Variants in ASTN2 observed in about 807,000 individuals in gnomAD.
The protein encoded by ASTN2 is astrotactin-2.
Under a neutral mutation model 139.8 loss-of-function variants are expected in ASTN2, and 54 were observed. That is an observed-to-expected ratio of 0.39 (90% CI 0.31 to 0.48). The LOEUF is 0.48. ASTN2 is among the 20% of genes least tolerant of loss of function. The pLI, the probability that ASTN2 is intolerant of heterozygous loss-of-function variation, is 0.95. For missense variants in ASTN2, 1,565 were observed against 1,725.1 expected, an observed-to-expected ratio of 0.91 and a Z score of 1.64; for synonymous variants, 756 against 719.5, an observed-to-expected ratio of 1.05 and a Z score of -0.81.
At chr9:117,314,429 ACCC>A (rs1162271984) in intron 1 of ASTN2, among the ~76,000 whole-genome samples, 1 of 150,308 alleles carries the variant, frequency 6.7e-6, no homozygotes, top group Admixed American at 6.7e-5. Flanking sequence ...AATATAGCCC[ACCC>A]CCCCAATTTA....
At chr9:116,508,485 A>AGTGTGTGT (rs112019921) in intron 19 of ASTN2, among the ~76,000 whole-genome samples, 1 of 150,092 alleles carries the variant, frequency 6.7e-6, no homozygotes, top group African/African-American at 2.4e-5. Flanking sequence ...TGTGAGTGTG[A>AGTGTGTGT]GTGTGTGTGT....
rs138034631 is a variant in ASTN2 at position 117,160,446 on chromosome 9, A to C, written c.1016-18968T>G. Among the ~76,000 whole-genome samples, 14 of 48,050 alleles carry C rather than the reference A, an allele frequency of 2.9e-4. No homozygotes were observed. In the East Asian group the frequency reaches 4.0e-3, roughly 14 times the overall value. 31.5% of individuals were successfully genotyped at this position (48,050 alleles called of 152,430 possible). Reference sequence around the variant, plus strand: ...CACTGGAGGGTAATCACAATAACACAGGACCCATCTCCCTAAAAAGGCCAC... The same window carrying C: ...CACTGGAGGGTAATCACAATAACACCGGACCCATCTCCCTAAAAAGGCCAC... On this transcript the variant is annotated intron_variant, in intron 3 of 22. Coordinates refer to ENST00000313400, the MANE Select transcript of ASTN2 (RefSeq NM_001365068.1).
At chr9:116,767,969 T>A (rs1385714544) in intron 13 of ASTN2, among the ~76,000 whole-genome samples, 1 of 152,150 alleles carries the variant, frequency 6.6e-6, no homozygotes, top group Non-Finnish European at 1.5e-5. Context: ...AAGACAAATG[T>A]TACTAAACAC....
At chr9:117,062,152 A>T (rs1839312687) in intron 5 of ASTN2, among the ~76,000 whole-genome samples, 1 of 152,206 alleles carries the variant, frequency 6.6e-6, no homozygotes, top group Non-Finnish European at 1.5e-5. Flanking sequence ...CAACTCCAGC[A>T]GGATTGGCCC....
At chr9:116,738,447 G>A (rs1390645966) in intron 13 of ASTN2, among the ~76,000 whole-genome samples, 1 of 151,944 alleles carries the variant, frequency 6.6e-6, no homozygotes, top group East Asian at 1.9e-4. Context: ...GTTGCAGTGA[G>A]CTGAGATTGC....
intron 20 of ASTN2, among the ~76,000 whole-genome samples, chr9:116,443,485 G>C: frequency 6.6e-6 from 1 of 152,150 alleles, no homozygotes. Context: ...GACACAGCCT[G>C]TGTGGCCTTA....
At chr9:117,019,823 C>G (rs1837820941) in intron 6 of ASTN2, among the ~76,000 whole-genome samples, 2 of 152,120 alleles carry the variant, frequency 1.3e-5, no homozygotes, top group Non-Finnish European at 2.9e-5. Flanking sequence ...ATGATTCACT[C>G]TGTGAACCTT....
At chr9:116,852,394 C>G (rs559985644) in intron 11 of ASTN2, among the ~76,000 whole-genome samples, 3 of 152,314 alleles carry the variant, frequency 2.0e-5, no homozygotes, top group Non-Finnish European at 4.4e-5. Context: ...GAATCCAACT[C>G]TGAATTATGG....
intron 3 of ASTN2, among the ~76,000 whole-genome samples, chr9:117,146,035 G>C (rs1480038225): frequency 6.6e-6 from 1 of 152,130 alleles, no homozygotes; most frequent in African/African-American, 2.4e-5. Context: ...TCTTGCCTCA[G>C]TGACAGTGCC....
At chr9:117,243,272 T>A (rs1216976938) in intron 2 of ASTN2, among the ~76,000 whole-genome samples, 1 of 152,166 alleles carries the variant, frequency 6.6e-6, no homozygotes, top group Non-Finnish European at 1.5e-5. Flanking sequence ...CTTTGTTGTG[T>A]CTCAGAAAGT....
At chr9:116,594,807 C>G (rs1426733888) in intron 19 of ASTN2, among the ~76,000 whole-genome samples, 1 of 152,168 alleles carries the variant, frequency 6.6e-6, no homozygotes, top group Non-Finnish European at 1.5e-5. Context: ...TGACCTGGCT[C>G]AGAGCTTAAG....
At chr9:116,529,578 T>G (rs1414591618) in intron 19 of ASTN2, among the ~76,000 whole-genome samples, 1 of 152,002 alleles carries the variant, frequency 6.6e-6, no homozygotes, top group Non-Finnish European at 1.5e-5. Flanking sequence ...GACATGAGAT[T>G]TGGGAGGGGC....
chr9:116,492,543 A>G (rs7465849), intron 19 of ASTN2, among the ~76,000 whole-genome samples: 54,359 of 152,042 alleles, frequency 0.36, 10,411 homozygotes, highest in South Asian at 0.56. Context: ...GATTTGGAAC[A>G]AAAACTTGGT....
chr9:117,063,530 G>A (rs890776724), intron 5 of ASTN2, among the ~76,000 whole-genome samples: 1 of 152,278 alleles, frequency 6.6e-6, no homozygotes, highest in East Asian at 1.9e-4. Context: ...CCATGACTGT[G>A]AGGCCTCCCC....
At chr9:116,487,051 T>G (rs925019192) in intron 20 of ASTN2, among the ~76,000 whole-genome samples, 11 of 152,180 alleles carry the variant, frequency 7.2e-5, no homozygotes, top group Admixed American at 1.3e-4. Context: ...CAACCATCCT[T>G]GATAACTTCA....
At chr9:116,746,277 G>T in intron 13 of ASTN2, among the ~76,000 whole-genome samples, 1 of 151,732 alleles carries the variant, frequency 6.6e-6, no homozygotes, top group Non-Finnish European at 1.5e-5. Flanking sequence ...CAGTAGAGAT[G>T]GGGTTTCACT....
At chr9:116,726,158 C>T (rs192005824) in intron 15 of ASTN2, among the ~76,000 whole-genome samples, 23 of 152,226 alleles carry the variant, frequency 1.5e-4, no homozygotes, top group Admixed American at 7.8e-4. Flanking sequence ...ACATCAGACA[C>T]GGTGACCAAG....
chr9:117,340,184 C>T (rs983647714), intron 1 of ASTN2, among the ~76,000 whole-genome samples: 2 of 151,412 alleles, frequency 1.3e-5, no homozygotes, highest in African/African-American at 2.4e-5. Flanking sequence ...AAAAATTAGC[C>T]GAGAGTGGTT....
At chr9:116,615,654 T>C (rs1386322148) in intron 19 of ASTN2, among the ~76,000 whole-genome samples, 1 of 146,538 alleles carries the variant, frequency 6.8e-6, no homozygotes, top group Non-Finnish European at 1.5e-5. Context: ...ATGTTCTCAC[T>C]CATAGGTGGG....
Sources: allele counts gnomAD v4.1 joint callset (sites outside exome capture counted in the v4.1 genomes callset), GRCh38; gene constraint gnomAD v4.1.1; transcripts MANE v1.5; gene names NCBI Gene and HGNC (gene_info 2026-07-23, HGNC 2026-07-21).